Variants in CYSTM1 observed in about 807,000 individuals in gnomAD.
The protein encoded by CYSTM1 is cysteine rich transmembrane module containing 1.
In CYSTM1, 4 loss-of-function variants were observed where a neutral mutation model predicts 13.1. The ratio of observed to expected loss-of-function variants is 0.31; its 90% CI spans 0.15 to 0.70. The LOEUF is 0.70. Ranked by LOEUF, CYSTM1 falls within the 30% of genes least tolerant of loss-of-function variation. The probability of loss-of-function intolerance (pLI) is 0.72; values close to 1 mark genes in which losing one functional copy is unlikely to be tolerated. For missense variants in CYSTM1, 96 were observed against 121.6 expected (o/e 0.79, Z 0.99); for synonymous variants, 36 against 42.7 (o/e 0.84, Z 0.62).
At chr5:140,234,037 A>C (rs1764649414) in intron 2 of CYSTM1, among the ~76,000 whole-genome samples, 1 of 152,140 alleles carries the variant, frequency 6.6e-6, no homozygotes, top group Admixed American at 6.5e-5. Context: ...TCTTTGTCTA[A>C]CCCCAGGTCA....
At chr5:140,221,336 A>G (rs1764486438) in intron 2 of CYSTM1, among the ~76,000 whole-genome samples, 2 of 152,180 alleles carry the variant, frequency 1.3e-5, no homozygotes, top group South Asian at 4.1e-4. Flanking sequence ...TCATCTTCCC[A>G]AACTGAAACT....
In CYSTM1 at chr5:140,210,110, C is replaced by T. The variant is rs146027050; in HGVS notation, c.187+15458C>T. On this transcript the variant is annotated intron_variant, in intron 2 of 2. Coordinates refer to ENST00000261811, the MANE Select transcript of CYSTM1 (RefSeq NM_032412.4). ...TTTTAATTATCATAATTCACACACC[C>T]TACTTTCTCAAATCATTTTCATTGT... Among the ~76,000 whole-genome samples, 136 of 152,214 alleles carry T rather than the reference C, an allele frequency of 8.9e-4. 1 individual carries two copies. The highest frequency in any genetic ancestry group is 6.1e-3 in the Admixed American group (94 of 15,288).
In CYSTM1 at chr5:140,240,024, C is replaced by T. The variant is rs117227873; in HGVS notation, c.188-3281C>T. Reference sequence around the variant, plus strand: ...CGCGTCAGGAGCTGGAACCCAGCTCCGGTCCCTAGACTGGCCACAGGGGGG... The same window carrying T: ...CGCGTCAGGAGCTGGAACCCAGCTCTGGTCCCTAGACTGGCCACAGGGGGG... On this transcript the variant is annotated intron_variant, in intron 2 of 2. Transcript: ENST00000261811. 8.9e-4 allele frequency among the ~76,000 whole-genome samples: 135 copies of T among 152,138 alleles called. 2 individuals carry two copies. The East Asian group carries it at 0.026, about 29-fold the overall frequency.
rs1464225438 is a variant in CYSTM1 at position 140,175,617 on chromosome 5, A to AC, written c.-21+336dup. Among the ~76,000 whole-genome samples the AC allele has an allele frequency of 6.6e-6, 1 of 151,840 alleles. No individual in the cohort carries two copies. Among genetic ancestry groups the AC allele is most frequent in the Non-Finnish European group, 1.5e-5 (1 of 67,964 alleles). Reference sequence around the variant, plus strand: ...GCGGGCTCGGAGCGGGGCTCGCCACACCCCGTCCCGGGGGACGTCCGCGGG... The same window carrying AC: ...GCGGGCTCGGAGCGGGGCTCGCCACACCCCCGTCCCGGGGGACGTCCGCGGG... On this transcript the variant is annotated intron_variant, in intron 1 of 2. Transcript: ENST00000261811. The surrounding 1 kb of genome is among the most constrained non-coding windows in gnomAD (Gnocchi z 4.9).
At chr5:140,212,208 TAC>T (rs551433453) in intron 2 of CYSTM1, among the ~76,000 whole-genome samples, 5 of 152,156 alleles carry the variant, frequency 3.3e-5, no homozygotes, top group Non-Finnish European at 7.3e-5. Context: ...TATTCTTAAC[TAC>T]AGTCATGCAC....
chr5:140,226,586 T>TTTTATATATA (rs754744617), intron 2 of CYSTM1, among the ~76,000 whole-genome samples: 1 of 75,310 alleles, frequency 1.3e-5, no homozygotes, highest in Non-Finnish European at 2.5e-5. Context: ...ATACTAAATA[T>TTTTATATATA]TATATATATA....
At chr5:140,195,372 T>C (rs1035148409) in intron 2 of CYSTM1, among the ~76,000 whole-genome samples, 9 of 151,934 alleles carry the variant, frequency 5.9e-5, no homozygotes, top group African/African-American at 1.9e-4. Context: ...CTGTGCTAGA[T>C]GTCTTGGTCA....
intron 2 of CYSTM1, among the ~76,000 whole-genome samples, chr5:140,207,159 G>A (rs1477821153): frequency 1.3e-5 from 2 of 152,170 alleles, no homozygotes; most frequent in Non-Finnish European, 2.9e-5. Flanking sequence ...CAGCAAGTGG[G>A]TCTGGACACA....
chr5:140,217,060 G>A (rs1430519239), intron 2 of CYSTM1, among the ~76,000 whole-genome samples: 1 of 151,498 alleles, frequency 6.6e-6, no homozygotes, highest in East Asian at 1.9e-4. Context: ...ATTTTCCTTA[G>A]GGAAAAAAAA....
At chr5:140,226,376 C>T (rs1321873337) in intron 2 of CYSTM1, among the ~76,000 whole-genome samples, 2 of 148,220 alleles carry the variant, frequency 1.3e-5, no homozygotes, top group African/African-American at 5.0e-5. Context: ...CATCTATAAT[C>T]CCAGCACTTT....
chr5:140,231,825 G>A (rs922020678), intron 2 of CYSTM1, among the ~76,000 whole-genome samples: 5 of 152,236 alleles, frequency 3.3e-5, no homozygotes, highest in African/African-American at 1.2e-4. Context: ...TGAGAAACAG[G>A]CAGGAACAAG....
intron 2 of CYSTM1, among the ~76,000 whole-genome samples, chr5:140,214,591 A>G (rs1324399468): frequency 1.3e-5 from 2 of 151,192 alleles, no homozygotes; most frequent in Non-Finnish European, 2.9e-5. Flanking sequence ...ACCCAGGAGC[A>G]GCCTGGTTTT....
intron 2 of CYSTM1, among the ~76,000 whole-genome samples, chr5:140,231,226 G>A (rs1317821399): frequency 3.3e-5 from 5 of 152,086 alleles, no homozygotes; most frequent in Admixed American, 1.3e-4. Context: ...TAATGTTACT[G>A]TGAATAGATT....
chr5:140,207,392 A>AC (rs1271717053), intron 2 of CYSTM1, among the ~76,000 whole-genome samples: 1 of 151,884 alleles, frequency 6.6e-6, no homozygotes, highest in Non-Finnish European at 1.5e-5. Flanking sequence ...GAGGGAAACT[A>AC]CCCCTCCTTA....
At chr5:140,214,179 A>G (rs1031984998) in intron 2 of CYSTM1, among the ~76,000 whole-genome samples, 3 of 152,148 alleles carry the variant, frequency 2.0e-5, no homozygotes, top group Non-Finnish European at 4.4e-5. Context: ...CAGCACTTCA[A>G]TGATGGTCTC....
intron 2 of CYSTM1, among the ~76,000 whole-genome samples, chr5:140,243,069 G>C (rs542990762): frequency 6.6e-6 from 1 of 152,360 alleles, no homozygotes; most frequent in African/African-American, 2.4e-5. Flanking sequence ...AAGTTCTCTA[G>C]TACTTGTCCC....
At position 140,175,454 on chromosome 5, in the gene CYSTM1, A is replaced by G. The variant is rs1763868427; in HGVS notation, c.-21+169A>G. On this transcript the variant is annotated intron_variant, in intron 1 of 2. Coordinates refer to ENST00000261811, the MANE Select transcript of CYSTM1 (RefSeq NM_032412.4). The surrounding 1 kb of genome is among the most constrained non-coding windows in gnomAD (Gnocchi z 4.9). ...AGCCCCTGGGGAGGGGCAGGGAGGC[A>G]GGGAAGCTGCTGCCGCCAGCTGGAT... Among the ~76,000 whole-genome samples, 1 of 151,564 alleles carries G rather than the reference A, an allele frequency of 6.6e-6. No individual in the cohort carries two copies. Among genetic ancestry groups the G allele is most frequent in the South Asian group, 2.1e-4 (1 of 4,810 alleles).
intron 2 of CYSTM1, among the ~76,000 whole-genome samples, chr5:140,198,958 C>T (rs537829990): frequency 6.6e-5 from 10 of 152,198 alleles, no homozygotes; most frequent in South Asian, 4.2e-4. Context: ...CTCCCCTAGC[C>T]CCCCAACTCC....
intron 2 of CYSTM1, among the ~76,000 whole-genome samples, chr5:140,204,976 C>T (rs954602483): frequency 2.0e-5 from 3 of 152,152 alleles, no homozygotes; most frequent in Non-Finnish European, 4.4e-5. Flanking sequence ...TGGGGTAGGA[C>T]TGTGATATCT....
Sources: allele counts gnomAD v4.1 joint callset (sites outside exome capture counted in the v4.1 genomes callset), GRCh38; gene constraint gnomAD v4.1.1; non-coding constraint Gnocchi (gnomAD v3.1); transcripts MANE v1.5; gene names NCBI Gene and HGNC (gene_info 2026-07-23, HGNC 2026-07-21).